UPF3B: variants seen among roughly 807,000 people sequenced by gnomAD.
UPF3B encodes regulator of nonsense transcripts 3B.
A neutral mutation model predicts 40.3 loss-of-function variants in UPF3B; 7 were observed. The ratio of observed to expected loss-of-function variants is 0.17; its 90% CI spans 0.10 to 0.33. The LOEUF is 0.33. Ranked by LOEUF, UPF3B falls within the 10% of genes least tolerant of loss-of-function variation. The probability of loss-of-function intolerance (pLI) is 1.00; values close to 1 mark genes in which losing one functional copy is unlikely to be tolerated. For synonymous variants in UPF3B, 117 were observed against 117.3 expected (o/e 1.00, Z 0.01); for missense variants, 229 against 358.9 (o/e 0.64, Z 2.93).
intron 4 of UPF3B, among the ~76,000 whole-genome samples, chrX:119,843,942 A>C (rs1257370591): frequency 8.9e-6 from 1 of 112,576 alleles, no homozygotes; most frequent in East Asian, 2.8e-4. Flanking sequence ...ATCCAACATA[A>C]AGAGTTGTGT....
At chrX:119,828,124 G>C (rs941270005) in intron 3 of UPF3B, among the ~76,000 whole-genome samples, 2 of 110,225 alleles carry the variant, frequency 1.8e-5, no homozygotes, top group African/African-American at 6.6e-5. Flanking sequence ...CTCAATATTG[G>C]TTCACTGCAA....
chrX:119,825,296 C>A lies in UPF3B; in HGVS notation c.393-2253G>T, dbSNP rs1227675085. Among the ~76,000 whole-genome samples the A allele has an allele frequency of 5.4e-5, 6 of 110,941 alleles. No homozygotes were observed. In the Admixed American group the frequency reaches 5.8e-4, roughly 11 times the overall value. ...ATAGGAAAAACTGCCTTGTATAAAA[C>A]CATCAGATCTTGTGAGACTTACTAT... On this transcript the variant is annotated intron_variant, in intron 3 of 6. Coordinates refer to the UPF3B transcript ENST00000636792.
At chrX:119,846,809 C>G (rs2056240486) in intron 3 of UPF3B, among the ~76,000 whole-genome samples, 1 of 111,543 alleles carries the variant, frequency 9.0e-6, no homozygotes, top group Admixed American at 9.6e-5. Context: ...TTCTATGCAT[C>G]AAAAGACACA....
intron 4 of UPF3B, among the ~76,000 whole-genome samples, chrX:119,843,770 T>G (rs2056194196): frequency 8.9e-6 from 1 of 112,400 alleles, no homozygotes. Flanking sequence ...CTTGATCAAG[T>G]CTTCCAGATC....
At chrX:119,826,477 G>A (rs1032764427) in intron 3 of UPF3B, among the ~76,000 whole-genome samples, 1 of 110,742 alleles carries the variant, frequency 9.0e-6, no homozygotes, top group Non-Finnish European at 1.9e-5. Flanking sequence ...GCGAGTCCAC[G>A]TCTCAAAAAG....
chrX:119,806,387 G>A (rs2147747567), intron 6 of UPF3B, among the ~76,000 whole-genome samples: 1 of 95,093 alleles, frequency 1.1e-5, no homozygotes, highest in South Asian at 5.8e-4. Flanking sequence ...AATGCTAGAT[G>A]ACGAGTTAGT....
exon 5 of UPF3B, chrX:119,815,257 T>C: frequency 1.3e-6 from 1 of 797,419 alleles, no homozygotes. Context: ...GGTGCGAGAG[T>C]CGACCTTGGC....
At chrX:119,850,309 T>G (rs1216626132) in intron 3 of UPF3B, among the ~76,000 whole-genome samples, 1 of 111,052 alleles carries the variant, frequency 9.0e-6, no homozygotes, top group African/African-American at 3.3e-5. Flanking sequence ...AAACAATAAA[T>G]TGACAAGATT....
intron 3 of UPF3B, among the ~76,000 whole-genome samples, chrX:119,850,189 C>T (rs2056286291): frequency 9.0e-6 from 1 of 110,861 alleles, no homozygotes; most frequent in Non-Finnish European, 1.9e-5. Flanking sequence ...GTCCCAGCTA[C>T]TCAGGAGGCT....
intron 1 of UPF3B, 34 bp downstream of exon 1, chrX:119,852,739 C>T (rs1422270439): frequency 1.7e-6 from 2 of 1,211,764 alleles, no homozygotes; most frequent in Admixed American, 4.3e-5. Flanking sequence ...CGGACTCGTC[C>T]CGCCCTCTCC....
Position 119,843,270 on chromosome X carries a change from A to G in UPF3B, c.501T>C (p.Tyr167=). Residue 167 remains tyrosine, a synonymous_variant, in exon 5 of 11, where the codon TAT becomes TAC. Transcript: ENST00000276201. The part of the protein sequence containing the change: ...DPEYRKFLES[Y]ATDNEKMTST... ...ATGTCATTTTCTCATTATCTGTGGC[A>G]TAACTTTCCAAAAACTTTCTATATT... 1 of 1,202,563 alleles carries G rather than the reference A, an allele frequency of 8.3e-7. No individual in the cohort carries two copies. The highest frequency in any genetic ancestry group is 1.7e-5 in the African/African-American group (1 of 57,736).
intron 3 of UPF3B, among the ~76,000 whole-genome samples, chrX:119,846,653 C>T (rs1390369503): frequency 9.2e-6 from 1 of 108,841 alleles, no homozygotes; most frequent in Admixed American, 9.8e-5. Flanking sequence ...CACCAGGACA[C>T]CAAAAGCACA....
intron 3 of UPF3B, among the ~76,000 whole-genome samples, chrX:119,850,218 G>A (rs796749273): frequency 2.7e-5 from 3 of 111,637 alleles, no homozygotes; most frequent in African/African-American, 6.5e-5. Context: ...AGGATTGCTT[G>A]AGTCCAGGAA....
chrX:119,829,029 CT>C (rs953697979), downstream of UPF3B, among the ~76,000 whole-genome samples: 4 of 109,260 alleles, frequency 3.7e-5, no homozygotes, highest in Non-Finnish European at 7.7e-5. Flanking sequence ...CCAATTCTTT[CT>C]TTTTTTTCTG....
chrX:119,822,440 T>G lies in UPF3B; in HGVS notation c.494+502A>C, dbSNP rs182872481. Among the ~76,000 whole-genome samples, 28 of 113,042 alleles carry G rather than the reference T, an allele frequency of 2.5e-4. No individual in the cohort carries two copies. The East Asian group carries it at 5.5e-3, about 22-fold the overall frequency. ...ACGTGATGAAGTCCTCACTTGACAT[T>G]TCCCCTGCAAATTGCAATGCATGTC... On this transcript the variant is annotated intron_variant, in intron 4 of 6. Coordinates refer to the UPF3B transcript ENST00000636792.
At chrX:119,819,842 CTTTTTTT>C (rs34094727) in intron 4 of UPF3B, among the ~76,000 whole-genome samples, 1,640 of 68,663 alleles carry the variant, frequency 0.024, 44 homozygotes, top group African/African-American at 0.092. Flanking sequence ...TCTATTTTTC[CTTTTTTT>C]TTTTTTTTTT....
chrX:119,834,989 T>C lies in UPF3B; in HGVS notation c.1341A>G (p.Arg447=). 2 of 1,212,175 alleles carry C rather than the reference T, an allele frequency of 1.6e-6. No individual in the cohort carries two copies. Among genetic ancestry groups the C allele is most frequent in the Non-Finnish European group, 2.2e-6 (2 of 895,623 alleles). The change falls in exon 11 of 11, where the codon CGA becomes CGG. Residue 447 remains arginine, a synonymous_variant. Transcript: ENST00000276201. ...CAGGGGGACAGAGTCGATTTCGGCTTCGAGCTCCTGGTTGGTAAAGCTGCA... is the reference window on the plus strand; with the variant it reads ...CAGGGGGACAGAGTCGATTTCGGCTCCGAGCTCCTGGTTGGTAAAGCTGCA... The part of the protein sequence containing the change: ...PAMQLYQPGA[R]SRNRLCPPDD...
At chrX:119,851,167 A>T (rs1984428439) in intron 3 of UPF3B, among the ~76,000 whole-genome samples, 1 of 112,648 alleles carries the variant, frequency 8.9e-6, no homozygotes, top group South Asian at 3.6e-4. Context: ...GCAAAATAAG[A>T]AGTAAATATT....
chrX:119,820,626 A>AT (rs370271993), intron 4 of UPF3B, among the ~76,000 whole-genome samples: 3,070 of 89,964 alleles, frequency 0.034, 46 homozygotes, highest in Non-Finnish European at 0.048. Context: ...AGCCTGGCCA[A>AT]TTTTTTTTTT....
Sources: allele counts gnomAD v4.1 joint callset (sites outside exome capture counted in the v4.1 genomes callset), GRCh38; gene constraint gnomAD v4.1.1; transcripts MANE v1.5; gene names NCBI Gene and HGNC (gene_info 2026-07-23, HGNC 2026-07-21).